Variants in SLCO5A1 observed in about 807,000 individuals in gnomAD.
The protein encoded by SLCO5A1 is organic anion transporter polypeptide-related protein 4.
SLCO5A1 carries 39 observed loss-of-function variants against 65.1 expected under a neutral mutation model. The observed-to-expected ratio is 0.60, with a 90% CI of 0.46 to 0.78. The LOEUF is 0.78. Among genes scored for constraint, SLCO5A1 ranks in the 30% least tolerant of loss-of-function variants. SLCO5A1 has a pLI of 0.00. For synonymous variants in SLCO5A1, 438 were observed against 415.7 expected, an observed-to-expected ratio of 1.05 and a Z score of -0.65; for missense variants, 1,029 against 1,069.4, an observed-to-expected ratio of 0.96 and a Z score of 0.53.
intron 1 of SLCO5A1, chr8:69,833,605 C>G (rs114534955): frequency 1.0e-3 from 156 of 152,322 alleles, no homozygotes; most frequent in African/African-American, 3.7e-3. Flanking sequence ...AATGTATTCC[C>G]TGTCCCAATT....
intron 5 of SLCO5A1, among the ~76,000 whole-genome samples, chr8:69,717,715 T>C (rs989988113): frequency 5.3e-5 from 8 of 152,212 alleles, no homozygotes; most frequent in Non-Finnish European, 2.9e-5. Flanking sequence ...TAATATTAAG[T>C]CTTCCAATCC....
At chr8:69,829,661 G>T (rs1821078507) in intron 2 of SLCO5A1, among the ~76,000 whole-genome samples, 1 of 150,210 alleles carries the variant, frequency 6.7e-6, no homozygotes, top group African/African-American at 2.5e-5. Flanking sequence ...CTGGGTGAAA[G>T]AAAGACCCTG....
Position 69,821,986 on chromosome 8 carries a change from C to T in SLCO5A1, c.907+9781G>A, listed in dbSNP as rs1470626839. On this transcript the variant is annotated intron_variant, in intron 2 of 9. Transcript: ENST00000260126. ...ACTACAAATACAAAACTTAGCCAGG[C>T]GTGGTGGCAGGTGCCTGTAATCCCA... Among the ~76,000 whole-genome samples, 4 of 151,818 alleles carry T rather than the reference C, an allele frequency of 2.6e-5. No homozygotes were observed. In the South Asian group the frequency reaches 6.2e-4, roughly 24 times the overall value.
At chr8:69,766,943 A>G (rs554743218) in intron 2 of SLCO5A1, among the ~76,000 whole-genome samples, 2 of 152,244 alleles carry the variant, frequency 1.3e-5, no homozygotes, top group Admixed American at 6.5e-5. Context: ...CATGAACAAC[A>G]GTAGATGTCA....
At chr8:69,828,261 CATT>C (rs752268489) in intron 2 of SLCO5A1, among the ~76,000 whole-genome samples, 12 of 89,694 alleles carry the variant, frequency 1.3e-4, no homozygotes, top group African/African-American at 7.2e-4. Context: ...ACGCATTCAT[CATT>C]TTTTTTTTTT....
At chr8:69,712,154 T>C (rs1258848614) in intron 5 of SLCO5A1, among the ~76,000 whole-genome samples, 1 of 152,216 alleles carries the variant, frequency 6.6e-6, no homozygotes, top group Non-Finnish European at 1.5e-5. Flanking sequence ...GTGCTGACAA[T>C]GCAGAAGATT....
intron 6 of SLCO5A1, among the ~76,000 whole-genome samples, chr8:69,683,465 C>T (rs533556923): frequency 2.6e-5 from 4 of 152,150 alleles, no homozygotes; most frequent in East Asian, 3.9e-4. Flanking sequence ...TGTGTAGTAG[C>T]GAAGTTTGGG....
rs544559838 is a variant in SLCO5A1, at chr8:69,707,520, G to C, written c.1424-2291C>G. Among the ~76,000 whole-genome samples the C allele has an allele frequency of 2.6e-5, 4 of 152,358 alleles. No individual in the cohort carries two copies. The South Asian group carries it at 6.2e-4, about 24-fold the overall frequency. ...GGGAGGTGGAAAGACCTGGAGAAGA[G>C]AGGTAGGGAAAACAGAGACCATGAA... On this transcript the variant is annotated intron_variant, in intron 5 of 9. Coordinates refer to ENST00000260126, the MANE Select transcript of SLCO5A1 (RefSeq NM_030958.3).
chr8:69,753,416 A>T (rs1817407571), intron 4 of SLCO5A1, among the ~76,000 whole-genome samples: 1 of 152,230 alleles, frequency 6.6e-6, no homozygotes, highest in African/African-American at 2.4e-5. Context: ...ACCTTCAGGT[A>T]AATGATTTCA....
chr8:69,740,238 A>C (rs1255834065), intron 4 of SLCO5A1, among the ~76,000 whole-genome samples: 1 of 152,196 alleles, frequency 6.6e-6, no homozygotes, highest in Non-Finnish European at 1.5e-5. Flanking sequence ...TTCAGCCTAC[A>C]GCCCTCCAGG....
chr8:69,802,160 T>C (rs1192028267), intron 2 of SLCO5A1, among the ~76,000 whole-genome samples: 5 of 152,070 alleles, frequency 3.3e-5, no homozygotes, highest in African/African-American at 1.2e-4. Context: ...AGATTAATAA[T>C]GGGGATCAGC....
intron 6 of SLCO5A1, among the ~76,000 whole-genome samples, chr8:69,687,111 A>G (rs920345509): frequency 6.6e-6 from 1 of 152,198 alleles, no homozygotes; most frequent in African/African-American, 2.4e-5. Context: ...TGAGGAGTGC[A>G]AAAGGCTACC....
chr8:69,793,773 G>A (rs1819368153), intron 2 of SLCO5A1, among the ~76,000 whole-genome samples: 2 of 137,642 alleles, frequency 1.5e-5, no homozygotes, highest in Non-Finnish European at 3.1e-5. Flanking sequence ...GTGAGACTCT[G>A]TCTCTAAATA....
intron 4 of SLCO5A1, among the ~76,000 whole-genome samples, chr8:69,754,490 T>G (rs1036660886): frequency 6.6e-6 from 1 of 151,942 alleles, no homozygotes; most frequent in Non-Finnish European, 1.5e-5. Flanking sequence ...GATGATAATG[T>G]GCCTAGGTAA....
rs917969081 is a variant in SLCO5A1 at position 69,668,686 on chromosome 8, C to T, written c.*4183G>A. The T allele has an allele frequency of 2.6e-5, 4 of 152,018 alleles. No homozygotes were observed. The highest frequency in any genetic ancestry group is 5.9e-5 in the Non-Finnish European group (4 of 67,994). The allele number at this position is 152,018 out of a possible 1,614,324, so 9.4% of individuals were successfully genotyped here. A position where few individuals can be genotyped will look rare whatever the true frequency, so the allele number is the denominator to read the frequency against. On this transcript the variant is annotated 3_prime_UTR_variant, in exon 10 of 10. Transcript: ENST00000260126. ...AGGGCCAAAAAGACACTTTCTGGCT[C>T]CAAGTGCACCAAAGAGCGCAAGCTG... is the stretch of plus-strand genomic sequence containing the variant.
At chr8:69,736,242 G>A (rs1816547284) in intron 5 of SLCO5A1, among the ~76,000 whole-genome samples, 1 of 152,216 alleles carries the variant, frequency 6.6e-6, no homozygotes, top group African/African-American at 2.4e-5. Flanking sequence ...ACACTGCTGT[G>A]GAAGTCTGCA....
intron 2 of SLCO5A1, among the ~76,000 whole-genome samples, chr8:69,785,486 A>G (rs1461474541): frequency 1.3e-5 from 2 of 152,212 alleles, no homozygotes; most frequent in Non-Finnish European, 2.9e-5. Context: ...CAGGAGACAG[A>G]AAAGGAAGAA....
intron 5 of SLCO5A1, among the ~76,000 whole-genome samples, chr8:69,720,157 A>C (rs745624771): frequency 2.0e-5 from 3 of 152,240 alleles, no homozygotes; most frequent in Non-Finnish European, 4.4e-5. Context: ...ACATATTTTC[A>C]GATAAAACTT....
chr8:69,704,115 G>A (rs56765294), intron 6 of SLCO5A1, among the ~76,000 whole-genome samples: 2 of 152,110 alleles, frequency 1.3e-5, no homozygotes, highest in African/African-American at 4.8e-5. Flanking sequence ...TGCGCAGGCT[G>A]GTCTTGAACT....
Sources: gnomAD v4.1 joint callset for allele counts (sites outside exome capture counted in the v4.1 genomes callset) on GRCh38, gnomAD v4.1.1 for gene constraint, MANE v1.5 for transcripts, NCBI Gene and HGNC (gene_info 2026-07-23, HGNC 2026-07-21) for gene names.